CNTNAP2: variants seen among roughly 807,000 people sequenced by gnomAD.
CNTNAP2 encodes the protein contactin associated protein 2, also known as contactin-associated protein-like 2.
CNTNAP2 carries 98 observed loss-of-function variants against 155.2 expected under a neutral mutation model. That is an observed-to-expected ratio of 0.63 (90% confidence interval 0.54 to 0.75). CNTNAP2 has a LOEUF of 0.75. Among genes scored for constraint, CNTNAP2 ranks in the 30% least tolerant of loss-of-function variants. CNTNAP2 has a pLI of 0.00. For missense variants in CNTNAP2, 1,727 were observed against 1,688.1 expected (o/e 1.02, Z -0.40); for synonymous variants, 651 against 631.2 (o/e 1.03, Z -0.47).
At chr7:148,395,680 G>A (rs1799451290) in intron 22 of CNTNAP2, among the ~76,000 whole-genome samples, 1 of 152,160 alleles carries the variant, frequency 6.6e-6, no homozygotes, top group African/African-American at 2.4e-5. Context: ...CTTCAGCATC[G>A]AACACCTCAC....
chr7:148,361,587 C>T (rs1030609426), intron 21 of CNTNAP2, among the ~76,000 whole-genome samples: 1 of 152,154 alleles, frequency 6.6e-6, no homozygotes, highest in Non-Finnish European at 1.5e-5. Context: ...GCCTGTGTCT[C>T]CACCTGCCTT....
intron 1 of CNTNAP2, among the ~76,000 whole-genome samples, chr7:146,544,209 G>A (rs973321200): frequency 3.3e-5 from 5 of 152,048 alleles, no homozygotes; most frequent in Non-Finnish European, 5.9e-5. Context: ...TGGAAACTGA[G>A]GAGTGAATAT....
At chr7:147,372,695 T>C (rs899786274) in intron 9 of CNTNAP2, among the ~76,000 whole-genome samples, 7 of 152,056 alleles carry the variant, frequency 4.6e-5, no homozygotes, top group African/African-American at 1.7e-4. Context: ...CCCTTGAAAA[T>C]TGATGGGAAG....
In CNTNAP2 at chr7:146,907,618, C is replaced by A. The variant is rs1295323925; in HGVS notation, c.402+67714C>A. 2.0e-4 allele frequency among the ~76,000 whole-genome samples: 30 copies of A among 149,924 alleles called. No individual in the cohort carries two copies. In the East Asian group the frequency reaches 4.7e-3, roughly 23 times the overall value. ...CAAATGCTGAGAGATTTTGTCACCA[C>A]CAAGCCTGCCCTAAAAGAGCTCCTG... is the stretch of plus-strand genomic sequence containing the variant. On this transcript the variant is annotated intron_variant, in intron 3 of 23. Transcript: ENST00000361727.
At chr7:146,147,731 A>G (rs1389974801) in intron 1 of CNTNAP2, among the ~76,000 whole-genome samples, 1 of 152,120 alleles carries the variant, frequency 6.6e-6, no homozygotes. Context: ...ACTTCTTTAT[A>G]CTGTCTGTCT....
chr7:147,374,975 T>C (rs1008792270), intron 9 of CNTNAP2, among the ~76,000 whole-genome samples: 1 of 151,948 alleles, frequency 6.6e-6, no homozygotes, highest in African/African-American at 2.4e-5. Flanking sequence ...TGAAAGGTGA[T>C]TGGATCATGG....
chr7:146,559,130 T>C (rs1798243142), intron 1 of CNTNAP2, among the ~76,000 whole-genome samples: 1 of 152,170 alleles, frequency 6.6e-6, no homozygotes, highest in Admixed American at 6.6e-5. Flanking sequence ...AATAATAACA[T>C]ATTGAGTATT....
intron 13 of CNTNAP2, among the ~76,000 whole-genome samples, chr7:147,710,058 G>A (rs991371552): frequency 2.6e-5 from 4 of 152,064 alleles, no homozygotes; most frequent in African/African-American, 9.7e-5. Flanking sequence ...GTACAAAATT[G>A]TACACCAACT....
intron 15 of CNTNAP2, among the ~76,000 whole-genome samples, chr7:148,099,607 G>A (rs1472841959): frequency 6.6e-6 from 1 of 151,966 alleles, no homozygotes; most frequent in Non-Finnish European, 1.5e-5. Context: ...TCTAGGATGA[G>A]GTCTTCTCTA....
chr7:147,663,157 C>T (rs967785923), intron 13 of CNTNAP2, among the ~76,000 whole-genome samples: 2 of 142,516 alleles, frequency 1.4e-5, no homozygotes, highest in African/African-American at 2.7e-5. Flanking sequence ...CACAACCACG[C>T]CCGGCTAATT....
chr7:146,246,112 A>T (rs1176776012), intron 1 of CNTNAP2, among the ~76,000 whole-genome samples: 2 of 151,792 alleles, frequency 1.3e-5, no homozygotes, highest in Admixed American at 6.6e-5. Flanking sequence ...CTTTCAAAGC[A>T]TGCTATGGGA....
intron 1 of CNTNAP2, among the ~76,000 whole-genome samples, chr7:146,302,126 A>T (rs1489736146): frequency 6.6e-6 from 1 of 152,176 alleles, no homozygotes; most frequent in Non-Finnish European, 1.5e-5. Context: ...TAGTGATAGG[A>T]CAAATATTTT....
chr7:146,219,004 C>T (rs1161836872), intron 1 of CNTNAP2, among the ~76,000 whole-genome samples: 2 of 152,144 alleles, frequency 1.3e-5, no homozygotes, highest in African/African-American at 4.8e-5. Context: ...TTAATGGACT[C>T]ACAGGTCCAC....
intron 1 of CNTNAP2, among the ~76,000 whole-genome samples, chr7:146,348,049 A>G (rs1473913548): frequency 6.6e-6 from 1 of 152,184 alleles, no homozygotes; most frequent in Non-Finnish European, 1.5e-5. Flanking sequence ...ACTGGGAATG[A>G]GATGAGTTGT....
chr7:148,243,477 A>G (rs1209382453), intron 20 of CNTNAP2, among the ~76,000 whole-genome samples: 1 of 152,224 alleles, frequency 6.6e-6, no homozygotes, highest in Non-Finnish European at 1.5e-5. Flanking sequence ...TTAATGGAAA[A>G]GTCACGGTTC....
At position 146,199,406 on chromosome 7, in the gene CNTNAP2, A is replaced by G. The variant is rs551976740; in HGVS notation, c.97+82433A>G. Among the ~76,000 whole-genome samples, 3 of 152,306 alleles carry G rather than the reference A, an allele frequency of 2.0e-5. No homozygotes were observed. In the East Asian group the frequency reaches 5.8e-4, roughly 29 times the overall value. Reference sequence around the variant, plus strand: ...CCTGTAGGGATGGGTAGAACAGAAGATTGCACAGGGCAGGACAGAGGAACA... The same window carrying G: ...CCTGTAGGGATGGGTAGAACAGAAGGTTGCACAGGGCAGGACAGAGGAACA... On this transcript the variant is annotated intron_variant, in intron 1 of 23. Transcript: ENST00000361727.
chr7:146,433,375 A>G (rs891852208), intron 1 of CNTNAP2, among the ~76,000 whole-genome samples: 2 of 151,904 alleles, frequency 1.3e-5, no homozygotes, highest in African/African-American at 4.8e-5. Context: ...TGCTCAGTGA[A>G]TGGAGAGTAG....
chr7:148,184,304 A>G (rs768448146), intron 18 of CNTNAP2, among the ~76,000 whole-genome samples: 1 of 152,176 alleles, frequency 6.6e-6, no homozygotes, highest in Non-Finnish European at 1.5e-5. Context: ...TTGACATGTA[A>G]ATAAGTTTAT....
chr7:147,395,712 C>G lies in CNTNAP2; in HGVS notation c.1602C>G (p.Tyr534Ter), dbSNP rs144620232. 1 of 1,612,368 alleles carries G rather than the reference C, an allele frequency of 6.2e-7. No homozygotes were observed. Among genetic ancestry groups the G allele is most frequent in the Admixed American group, 1.7e-5 (1 of 59,868 alleles). ...IQVDDQLVNL[Y>*]EVAQRKPGSF... is the part of the protein sequence containing the mutation. ...TGGACGATCAACTTGTAAATTTATA[C>G]GAAGTGGCACAAAGGAAGCCGGGAA... The change falls in exon 10 of 24, where the codon TAC (tyrosine) becomes TAG (stop). Residue 534 changes from tyrosine (Y) to a stop codon, truncating the protein, a stop_gained. Coordinates refer to ENST00000361727, the MANE Select transcript of CNTNAP2 (RefSeq NM_014141.6). LOFTEE classifies it high-confidence loss of function.
Sources: gnomAD v4.1 joint callset for allele counts (sites outside exome capture counted in the v4.1 genomes callset) on GRCh38, gnomAD v4.1.1 for gene constraint, MANE v1.5 for transcripts, NCBI Gene and HGNC (gene_info 2026-07-23, HGNC 2026-07-21) for gene names.